Variants in FNDC1 observed in about 807,000 individuals in gnomAD.
FNDC1 encodes the protein fibronectin type III domain-containing protein 1.
A neutral mutation model predicts 168.0 loss-of-function variants in FNDC1; 96 were observed. The ratio of observed to expected loss-of-function variants is 0.57; its 90% confidence interval spans 0.48 to 0.68. The LOEUF (loss-of-function observed/expected upper bound fraction) is 0.68, where lower values mean the gene tolerates loss of function less well. FNDC1 is among the 30% of genes least tolerant of loss of function. The probability of loss-of-function intolerance (pLI) is 0.00; values close to 1 mark genes in which losing one functional copy is unlikely to be tolerated. For missense variants in FNDC1, 2,587 were observed against 2,482.1 expected (o/e 1.04, Z -0.90); for synonymous variants, 1,099 against 1,025.9 (o/e 1.07, Z -1.36).
chr6:159,269,615 CTATCT>C (rs1777700174), intron 22 of FNDC1, among the ~76,000 whole-genome samples: 1 of 150,074 alleles, frequency 6.7e-6, no homozygotes, highest in African/African-American at 2.5e-5. Flanking sequence ...ATCTATCTAT[CTATCT>C]ATCTATCTAT....
intron 18 of FNDC1, among the ~76,000 whole-genome samples, chr6:159,258,113 G>C (rs1777412117): frequency 6.6e-6 from 1 of 152,112 alleles, no homozygotes; most frequent in South Asian, 2.1e-4. Flanking sequence ...CATGTCAGGA[G>C]GGTTATGTAG....
intron 14 of FNDC1, among the ~76,000 whole-genome samples, chr6:159,242,689 G>T (rs187101887): frequency 6.6e-6 from 1 of 151,994 alleles, no homozygotes; most frequent in Non-Finnish European, 1.5e-5. Flanking sequence ...TTAGCAGTCA[G>T]CCCTCATTCC....
In FNDC1 at chr6:159,266,112, T is replaced by C; in HGVS notation, c.5313T>C (p.Ala1771=). Residue 1771 remains alanine, a synonymous_variant, in exon 21 of 23, where the codon GCT becomes GCC. Transcript: ENST00000297267. The part of the protein sequence containing the change: ...PGGEPIWIPF[A]FKHDPSYTDC... The stretch of plus-strand genomic sequence containing the variant: ...GTGAGCCTATCTGGATCCCATTCGC[T>C]TTCAAACATGATCCCAGCTACACGG... 6.2e-7 allele frequency: 1 copy of C among 1,613,918 alleles called. No homozygotes were observed. The highest frequency in any genetic ancestry group is 8.5e-7 in the Non-Finnish European group (1 of 1,179,818).
intron 1 of FNDC1, among the ~76,000 whole-genome samples, chr6:159,182,691 G>A (rs144614465): frequency 1.3e-5 from 2 of 152,298 alleles, no homozygotes; most frequent in Admixed American, 6.5e-5. Context: ...ATTCCCAGGG[G>A]AGTGGCTTTC....
rs1264747492 is a variant in FNDC1 at position 159,269,293 on chromosome 6, C to CTATCTATCTATCTATCT, written c.5569+1367_5569+1368insTATCTATCTATCTATCT. Among the ~76,000 whole-genome samples, 12 of 32,182 alleles carry CTATCTATCTATCTATCT rather than the reference C, an allele frequency of 3.7e-4. 4 individuals carry two copies. Among genetic ancestry groups the CTATCTATCTATCTATCT allele is most frequent in the Non-Finnish European group, 9.0e-4 (9 of 10,012 alleles). 21.1% of individuals were successfully genotyped at this position (32,182 alleles called of 152,430 possible). On this transcript the variant is annotated intron_variant, in intron 22 of 22. Coordinates refer to ENST00000297267, the MANE Select transcript of FNDC1 (RefSeq NM_032532.3). ...CTATCTATCTATCTATCTATCTATC[C>CTATCTATCTATCTATCT]ATCCATCCATCTATCCTATCTATTT...
At chr6:159,202,998 A>G (rs1417358696) in intron 4 of FNDC1, among the ~76,000 whole-genome samples, 2 of 152,204 alleles carry the variant, frequency 1.3e-5, no homozygotes, top group African/African-American at 4.8e-5. Context: ...TGAGGCCTCT[A>G]TCCTTGGCTT....
rs564468346 is a variant in FNDC1, at chr6:159,228,555, T to A, written c.1181-1260T>A. 3.2e-3 allele frequency among the ~76,000 whole-genome samples: 491 copies of A among 152,160 alleles called. 4 individuals are homozygous for A. Among genetic ancestry groups the A allele is most frequent in the African/African-American group, 0.011 (445 of 41,510 alleles). On this transcript the variant is annotated intron_variant, in intron 9 of 22. Coordinates refer to ENST00000297267, the MANE Select transcript of FNDC1 (RefSeq NM_032532.3). ...ATTTTTGGTTGAAACGTTTTTTTTT[T>A]AAATAAATATACTTTTTAAAGATTG...
chr6:159,267,446 T>C (rs990089468), intron 21 of FNDC1, among the ~76,000 whole-genome samples: 1 of 152,128 alleles, frequency 6.6e-6, no homozygotes, highest in African/African-American at 2.4e-5. Flanking sequence ...GTATAGACCT[T>C]CCTGCCTTTC....
Position 159,231,926 on chromosome 6 carries a change from C to T in FNDC1, c.1414C>T (p.Pro472Ser). The T allele has an allele frequency of 1.2e-6, 2 of 1,613,034 alleles. No individual in the cohort carries two copies. The highest frequency in any genetic ancestry group is 1.7e-6 in the Non-Finnish European group (2 of 1,179,628). Reference sequence around the variant, plus strand: ...GCAGAACACGGAGGACAATGGGAAACCCGAAAAACCTGAGCCTTCCTCACC... The same window carrying T: ...GCAGAACACGGAGGACAATGGGAAATCCGAAAAACCTGAGCCTTCCTCACC... ...VEQNTEDNGK[P>S]EKPEPSSPSP... The change falls in exon 11 of 23, where the codon CCC (proline) becomes TCC (serine). Residue 472 changes from proline (P) to serine (S), a missense_variant. Pro to Ser is a moderately conservative substitution (Grantham distance 74). Coordinates refer to ENST00000297267, the MANE Select transcript of FNDC1 (RefSeq NM_032532.3).
At chr6:159,210,290 GC>G (rs1348979599) in intron 4 of FNDC1, among the ~76,000 whole-genome samples, 1 of 152,206 alleles carries the variant, frequency 6.6e-6, no homozygotes, top group African/African-American at 2.4e-5. Context: ...TACGGAGAGA[GC>G]TAGGGCTACC....
In FNDC1 at chr6:159,232,405, T is replaced by C; in HGVS notation, c.1893T>C (p.His631=). ...ACGCGTCCACCCAGGGCACCTCTCA[T>C]CGTCCTTCCCTGCCTGCCAGCTTGA... is the stretch of plus-strand genomic sequence containing the variant. The part of the protein sequence containing the change: ...AHHASTQGTS[H]RPSLPASLND... The change falls in exon 11 of 23, where the codon CAT becomes CAC. Residue 631 remains histidine, a synonymous_variant. Coordinates refer to ENST00000297267, the MANE Select transcript of FNDC1 (RefSeq NM_032532.3). This position sits in a 1 kb window ranked among gnomAD's most constrained non-coding sequence, Gnocchi z 4.9. 6.2e-7 allele frequency: 1 copy of C among 1,612,508 alleles called. No homozygotes were observed. Among genetic ancestry groups the C allele is most frequent in the Non-Finnish European group, 8.5e-7 (1 of 1,178,944 alleles).
At chr6:159,184,975 T>G (rs1781961474) in intron 1 of FNDC1, among the ~76,000 whole-genome samples, 1 of 150,314 alleles carries the variant, frequency 6.7e-6, no homozygotes, top group African/African-American at 2.5e-5. Context: ...GCCTGTTATT[T>G]CTTATGATTG....
rs748436495 is a variant in FNDC1, at chr6:159,232,327, C to T, written c.1815C>T (p.Ala605=). The change falls in exon 11 of 23, where the codon GCC becomes GCT. Residue 605 remains alanine (A), a synonymous_variant. Coordinates refer to ENST00000297267, the MANE Select transcript of FNDC1 (RefSeq NM_032532.3). The surrounding 1 kb of genome is among the most constrained non-coding windows in gnomAD (Gnocchi z 4.9). ...TAGATAAGCCTGGCTTTTCCCTGGC[C>T]ACGCAGCCCCGCCCAGGGGCGCCCC... ...EGVDKPGFSL[A]TQPRPGAPPS... is the part of the protein sequence containing the mutation. 47 of 1,613,156 alleles carry T rather than the reference C, an allele frequency of 2.9e-5. No homozygotes were observed. The highest frequency in any genetic ancestry group is 3.3e-5 in the Admixed American group (2 of 59,930).
intron 16 of FNDC1, among the ~76,000 whole-genome samples, chr6:159,250,083 A>T (rs934195935): frequency 6.6e-6 from 1 of 152,216 alleles, no homozygotes; most frequent in African/African-American, 2.4e-5. Context: ...ACGGGAATTG[A>T]AATGCTTTCT....
intron 16 of FNDC1, 54 bp from the exon 17 acceptor site, chr6:159,251,248 T>G: frequency 7.5e-7 from 1 of 1,340,068 alleles, no homozygotes; most frequent in Non-Finnish European, 1.1e-6. Context: ...GCTATGTTTC[T>G]GCCTCCAGAA....
At chr6:159,175,938 CATTAGTGGCTAATCT>C (rs1398354343) in intron 1 of FNDC1, among the ~76,000 whole-genome samples, 2 of 152,202 alleles carry the variant, frequency 1.3e-5, no homozygotes, top group Admixed American at 1.3e-4. Context: ...TGCTGAGAAA[CATTAGTGGCTAATCT>C]ATATGGTTGA....
chr6:159,212,545 T>C (rs1158584576), intron 4 of FNDC1, among the ~76,000 whole-genome samples: 1 of 151,122 alleles, frequency 6.6e-6, no homozygotes. Context: ...AAAAATGGGG[T>C]TGGTTTTTCT....
Position 159,172,860 on chromosome 6 carries a change from A to G in FNDC1, c.109+3155A>G, listed in dbSNP as rs150537429. ...TCTGTGTGAGGCTGGGTTTTCTCCA[A>G]GCAAAACGACATATTGCAATAGATT... On this transcript the variant is annotated intron_variant, in intron 1 of 22. Coordinates refer to ENST00000297267, the MANE Select transcript of FNDC1 (RefSeq NM_032532.3). 3.0e-3 allele frequency among the ~76,000 whole-genome samples: 452 copies of G among 152,346 alleles called. 3 individuals carry two copies. The highest frequency in any genetic ancestry group is 0.01 in the African/African-American group (436 of 41,572).
Position 159,233,135 on chromosome 6 carries a change from A to G in FNDC1, c.2623A>G (p.Ile875Val), listed in dbSNP as rs760655443. The change falls in exon 11 of 23, where the codon ATC (isoleucine) becomes GTC (valine). Residue 875 changes from isoleucine to valine, a missense_variant. Ile to Val is a conservative substitution (Grantham distance 29). Transcript: ENST00000297267. This position sits in a 1 kb window ranked among gnomAD's most constrained non-coding sequence, Gnocchi z 4.6. Reference protein sequence around the residue: ...SDSHPKLSSGIHGDEEDEKPL... With the variant: ...SDSHPKLSSGVHGDEEDEKPL... ...TTCCCACCCTAAGCTTAGCTCAGGT[A>G]TCCATGGAGACGAGGAGGATGAGAA... The G allele has an allele frequency of 1.2e-5, 20 of 1,605,056 alleles. 1 individual carries two copies. The South Asian group carries it at 2.2e-4, about 18-fold the overall frequency.
Sources: allele counts gnomAD v4.1 joint callset (sites outside exome capture counted in the v4.1 genomes callset), GRCh38; gene constraint gnomAD v4.1.1; non-coding constraint Gnocchi (gnomAD v3.1); transcripts MANE v1.5; gene names NCBI Gene and HGNC (gene_info 2026-07-23, HGNC 2026-07-21).